Variants in ZNF860 observed in about 807,000 individuals in gnomAD.
The protein encoded by ZNF860 is zinc finger protein 860.
For missense variants in ZNF860, 641 were observed against 759.2 expected, an observed-to-expected ratio of 0.84 and a Z score of 1.83; for synonymous variants, 206 against 248.9, an observed-to-expected ratio of 0.83 and a Z score of 1.62.
chr3:31,983,900 G>A (rs755356590), intron 1 of ZNF860, among the ~76,000 whole-genome samples: 22 of 152,272 alleles, frequency 1.4e-4, no homozygotes, highest in Admixed American at 1.1e-3. Context: ...CTTGTTACCC[G>A]GAAAAGCCAA....
At position 31,989,063 on chromosome 3, in the gene ZNF860, T is replaced by C. The variant is rs1437291997; in HGVS notation, c.-17T>C. 3 of 1,613,734 alleles carry C rather than the reference T, an allele frequency of 1.9e-6. No individual in the cohort carries two copies. Among genetic ancestry groups the C allele is most frequent in the Non-Finnish European group, 1.7e-6 (2 of 1,179,884 alleles). On this transcript the variant is annotated 5_prime_UTR_variant, in exon 2 of 2. Transcript: ENST00000360311. Reference sequence around the variant, plus strand: ...CAGTGAAGGTCACACTGCAGCACTATTGATTTCTAAAGACTCATGTTACGT... The same window carrying C: ...CAGTGAAGGTCACACTGCAGCACTACTGATTTCTAAAGACTCATGTTACGT...
downstream of ZNF860, among the ~76,000 whole-genome samples, chr3:31,993,099 G>T (rs57434781): frequency 6.6e-6 from 1 of 151,782 alleles, no homozygotes; most frequent in South Asian, 2.1e-4. Flanking sequence ...TGCAAATCAT[G>T]TGTTTGACCA....
chr3:31,994,685 T>C (rs1209762514), downstream of ZNF860, among the ~76,000 whole-genome samples: 2 of 152,178 alleles, frequency 1.3e-5, no homozygotes, highest in African/African-American at 4.8e-5. Context: ...ATCAGAAAAT[T>C]CTTTATAAAT....
the ZNF860 span, among the ~76,000 whole-genome samples, chr3:31,997,649 CT>C: frequency 0.012 from 1,844 of 151,934 alleles, 35 homozygotes; most frequent in African/African-American, 0.042. Flanking sequence ...TTTTACTTTC[CT>C]TTATCAAATA....
At chr3:31,994,337 C>T (rs1193960627), downstream of ZNF860, among the ~76,000 whole-genome samples, 1 of 152,048 alleles carries the variant, frequency 6.6e-6, no homozygotes, top group African/African-American at 2.4e-5. Flanking sequence ...GAGCTCCAGG[C>T]CTCATAGAAA....
rs578208449 is a variant in ZNF860, at chr3:31,990,502, A to G, written c.1423A>G (p.Ile475Val). The change falls in exon 2 of 2, where the codon ATT becomes GTT. Residue 475 changes from isoleucine to valine, a missense_variant. By Grantham distance (29) the Ile-to-Val change is conservative. Transcript: ENST00000360311. ...HNSALVIHKAIHTGEKPYKCN... is the reference protein window; with the variant it reads ...HNSALVIHKAVHTGEKPYKCN... Reference sequence around the variant, plus strand: ...TTCAGCCCTTGTAATTCATAAGGCAATTCATACTGGAGAGAAACCTTACAA... The same window carrying G: ...TTCAGCCCTTGTAATTCATAAGGCAGTTCATACTGGAGAGAAACCTTACAA... 8 of 1,550,942 alleles carry G rather than the reference A, an allele frequency of 5.2e-6. No individual in the cohort carries two copies. The highest frequency in any genetic ancestry group is 1.9e-4 in the Middle Eastern group (1 of 5,196).
downstream of ZNF860, among the ~76,000 whole-genome samples, chr3:31,993,467 C>G (rs899226020): frequency 1.3e-5 from 2 of 152,118 alleles, no homozygotes; most frequent in African/African-American, 2.4e-5. Flanking sequence ...CTCGGCCTCC[C>G]AAAGTGCTGG....
At chr3:31,993,837 A>G (rs1364372348), downstream of ZNF860, among the ~76,000 whole-genome samples, 1 of 152,196 alleles carries the variant, frequency 6.6e-6, no homozygotes, top group African/African-American at 2.4e-5. Flanking sequence ...TAAACATACA[A>G]TATGATCTAG....
chr3:31,982,226 T>TCTG (rs1698864972), intron 1 of ZNF860, among the ~76,000 whole-genome samples: 1 of 152,200 alleles, frequency 6.6e-6, no homozygotes, highest in African/African-American at 2.4e-5. Flanking sequence ...GGCTGTAACT[T>TCTG]CTGCGCCCCT....
chr3:31,998,872 T>C, the ZNF860 span, among the ~76,000 whole-genome samples: 1 of 152,240 alleles, frequency 6.6e-6, no homozygotes, highest in Non-Finnish European at 1.5e-5. Flanking sequence ...CTTTTTCAAC[T>C]ATCTTGGATA....
the ZNF860 span, among the ~76,000 whole-genome samples, chr3:31,996,894 G>A: frequency 6.6e-6 from 1 of 152,170 alleles, no homozygotes; most frequent in African/African-American, 2.4e-5. Context: ...ATGTGGTTGT[G>A]AATCTTGGAG....
the ZNF860 span, among the ~76,000 whole-genome samples, chr3:31,997,213 A>G: frequency 6.6e-6 from 1 of 152,150 alleles, no homozygotes; most frequent in Non-Finnish European, 1.5e-5. Context: ...CAATGTCAAT[A>G]GGCAGTGTTT....
At chr3:32,001,204 A>G in the ZNF860 span, among the ~76,000 whole-genome samples, 1 of 152,134 alleles carries the variant, frequency 6.6e-6, no homozygotes, top group South Asian at 2.1e-4. Context: ...CCAAGCAGCG[A>G]TGCCTAAGAG....
At chr3:31,995,161 C>T (rs2125526199), downstream of ZNF860, among the ~76,000 whole-genome samples, 1 of 152,322 alleles carries the variant, frequency 6.6e-6, no homozygotes, top group South Asian at 2.1e-4. Flanking sequence ...TCTTGATAAA[C>T]ATCTTAACAG....
rs1189812841 is a variant in ZNF860, at chr3:31,989,125, G to T, written c.46G>T (p.Gly16Cys). Residue 16 changes from glycine to cysteine, a missense_variant, in exon 2 of 2, where the codon GGC becomes TGC. Transcript: ENST00000360311. ...AAQKRKEKEP[G>C]MALPQGHLTF... ...TCAGAAGAGGAAAGAAAAGGAGCCA[G>T]GCATGGCTCTTCCTCAGGGACACTT... is the stretch of plus-strand genomic sequence containing the variant. 3 of 1,614,170 alleles carry T rather than the reference G, an allele frequency of 1.9e-6. No individual in the cohort carries two copies.
intron 1 of ZNF860, among the ~76,000 whole-genome samples, chr3:31,983,726 C>A (rs1698895093): frequency 6.6e-6 from 1 of 152,214 alleles, no homozygotes; most frequent in African/African-American, 2.4e-5. Flanking sequence ...TTCCAGAAAG[C>A]TTTCCTTGAC....
chr3:31,987,849 G>A (rs1698957694), intron 1 of ZNF860, among the ~76,000 whole-genome samples: 1 of 152,194 alleles, frequency 6.6e-6, no homozygotes, highest in African/African-American at 2.4e-5. Context: ...ACCTCCAAGT[G>A]GATCAGAAAC....
chr3:32,002,979 C>A, the ZNF860 span, among the ~76,000 whole-genome samples: 1 of 152,118 alleles, frequency 6.6e-6, no homozygotes, highest in East Asian at 1.9e-4. Context: ...ATTTAGACTT[C>A]ATTTAGGTCA....
At chr3:31,996,466 G>A (rs760307010), downstream of ZNF860, among the ~76,000 whole-genome samples, 9 of 151,184 alleles carry the variant, frequency 6.0e-5, no homozygotes, top group Non-Finnish European at 1.3e-4. Flanking sequence ...CAACCTATGT[G>A]TGATCTGAAG....
Sources: gnomAD v4.1 joint callset for allele counts (sites outside exome capture counted in the v4.1 genomes callset) on GRCh38, gnomAD v4.1.1 for gene constraint, MANE v1.5 for transcripts, NCBI Gene and HGNC (gene_info 2026-07-23, HGNC 2026-07-21) for gene names.